The following LRP8 variants were observed in gnomAD, a reference collection of about 807,000 sequenced individuals.
LRP8 encodes the protein low-density lipoprotein receptor-related protein 8.
Under a neutral mutation model 111.6 loss-of-function variants are expected in LRP8, and 46 were observed. The ratio of observed to expected loss-of-function variants is 0.41; its 90% CI spans 0.33 to 0.53. LRP8 has a LOEUF of 0.53. Ranked by LOEUF, LRP8 falls within the 20% of genes least tolerant of loss-of-function variation. LRP8 has a pLI of 0.20. For missense variants in LRP8, 959 were observed against 1,297.4 expected (o/e 0.74, Z 4.01); for synonymous variants, 464 against 511.2 (o/e 0.91, Z 1.24).
chr1:53,252,470 AG>A, intron 16 of LRP8, among the ~76,000 whole-genome samples: 1 of 152,310 alleles, frequency 6.6e-6, no homozygotes, highest in Non-Finnish European at 1.5e-5. Context: ...CAGGAGTTCG[AG>A]GATGCAGTGA....
chr1:53,303,806 C>T lies in LRP8; in HGVS notation c.245-14117G>A, dbSNP rs973727418. The stretch of plus-strand genomic sequence containing the variant: ...TTCCCACCGCTGACATATGGCCATT[C>T]GCCCTCTTGAATGCTCTCAGCGACA... On this transcript the variant is annotated intron_variant, in intron 2 of 18. Coordinates refer to ENST00000306052, the MANE Select transcript of LRP8 (RefSeq NM_004631.5). This position sits in a 1 kb window ranked among gnomAD's most constrained non-coding sequence, Gnocchi z 4.3. 3.9e-5 allele frequency among the ~76,000 whole-genome samples: 6 copies of T among 152,346 alleles called. No homozygotes were observed. The highest frequency in any genetic ancestry group is 3.4e-3 in the Middle Eastern group (1 of 294).
At chr1:53,282,616 G>C (rs981822144) in intron 3 of LRP8, among the ~76,000 whole-genome samples, 1 of 152,112 alleles carries the variant, frequency 6.6e-6, no homozygotes, top group African/African-American at 2.4e-5. Flanking sequence ...ATCAAAGGGT[G>C]GGGGGTGAGG....
chr1:53,247,230 A>G (rs750066859), intron 18 of LRP8, among the ~76,000 whole-genome samples, 174 bp from the exon 19 acceptor site: 1 of 152,264 alleles, frequency 6.6e-6, no homozygotes, highest in Non-Finnish European at 1.5e-5. Flanking sequence ...ACAAAACTCA[A>G]TGAGCTTAAG....
At chr1:53,280,821 G>A (rs1647084328) in intron 3 of LRP8, 106 bp from the exon 4 acceptor site, 5 of 1,391,704 alleles carry the variant, frequency 3.6e-6, no homozygotes, top group Non-Finnish European at 4.9e-6. Flanking sequence ...GGCCCTAGGA[G>A]TCCATCAGGG....
rs1041435000 is a variant in LRP8, at chr1:53,294,498, G to A, written c.245-4809C>T. On this transcript the variant is annotated intron_variant, in intron 2 of 18. Transcript: ENST00000306052. The surrounding 1 kb of genome is among the most constrained non-coding windows in gnomAD (Gnocchi z 4.1). Reference sequence around the variant, plus strand: ...ACAAGTTACAGGACTCCTGTGAGCCGCACTTTCTTCGTCTGCTTCACGGGA... The same window carrying A: ...ACAAGTTACAGGACTCCTGTGAGCCACACTTTCTTCGTCTGCTTCACGGGA... 2.0e-5 allele frequency among the ~76,000 whole-genome samples: 3 copies of A among 152,242 alleles called. No individual in the cohort carries two copies. Among genetic ancestry groups the A allele is most frequent in the Non-Finnish European group, 4.4e-5 (3 of 68,048 alleles).
Position 53,249,557 on chromosome 1 carries a change from C to T in LRP8, c.2677-1G>A, listed in dbSNP as rs1344293736. 6.3e-7 allele frequency: 1 copy of T among 1,592,304 alleles called. No homozygotes were observed. The highest frequency in any genetic ancestry group is 2.3e-5 in the East Asian group (1 of 43,192). On this transcript the variant is annotated splice_acceptor_variant, in intron 17 of 18. Coordinates refer to ENST00000306052, the MANE Select transcript of LRP8 (RefSeq NM_004631.5). LOFTEE classifies it high-confidence loss of function. The surrounding 1 kb of genome is among the most constrained non-coding windows in gnomAD (Gnocchi z 4.1). The stretch of plus-strand genomic sequence containing the variant: ...GTGGGCGATCAAAGCTGCTGATTGC[C>T]TGACAGGGGGATGGCACTGTGGATG...
At chr1:53,308,303 C>T (rs977567575) in intron 2 of LRP8, among the ~76,000 whole-genome samples, 7 of 152,230 alleles carry the variant, frequency 4.6e-5, no homozygotes, top group African/African-American at 1.7e-4. Context: ...GTGCTCACCG[C>T]ATCTCCAGGC....
chr1:53,328,044 C>CTG lies in LRP8; in HGVS notation c.-133_-132insCA. On this transcript the variant is annotated 5_prime_UTR_variant, in exon 1 of 19. An upstream open reading frame in the 5' UTR loses its in-frame stop. Coordinates refer to ENST00000306052, the MANE Select transcript of LRP8 (RefSeq NM_004631.5). ...GCCGCCGCCGCCGCCGCCGCTGCCG[C>CTG]CCGCCCCGGCTCCTCGGCTGCATTT... is the stretch of plus-strand genomic sequence containing the variant. The CTG allele has an allele frequency of 5.2e-6, 2 of 383,264 alleles. No individual in the cohort carries two copies. Among genetic ancestry groups the CTG allele is most frequent in the Non-Finnish European group, 7.1e-6 (2 of 281,318 alleles). 23.7% of individuals were successfully genotyped at this position (383,264 alleles called of 1,614,324 possible). A position where few individuals can be genotyped will look rare whatever the true frequency, so the allele number is the denominator to read the frequency against.
At chr1:53,282,590 T>G (rs1647149615) in intron 3 of LRP8, among the ~76,000 whole-genome samples, 1 of 152,072 alleles carries the variant, frequency 6.6e-6, no homozygotes, top group South Asian at 2.1e-4. Flanking sequence ...GACCAGTGCT[T>G]TGCTGGGGTC....
At position 53,291,033 on chromosome 1, in the gene LRP8, G is replaced by A. The variant is rs557525482; in HGVS notation, c.245-1344C>T. Reference sequence around the variant, plus strand: ...CCGCTACAGAACAAGGTGAGGAAGAGAGCACTGGGCAGGGAGTCCGGAGGT... The same window carrying A: ...CCGCTACAGAACAAGGTGAGGAAGAAAGCACTGGGCAGGGAGTCCGGAGGT... On this transcript the variant is annotated intron_variant, in intron 2 of 18. Transcript: ENST00000306052. Among the ~76,000 whole-genome samples, 16 of 152,298 alleles carry A rather than the reference G, an allele frequency of 1.1e-4. No individual in the cohort carries two copies. The South Asian group carries it at 3.3e-3, about 32-fold the overall frequency.
chr1:53,323,755 C>T (rs1654805899), intron 2 of LRP8, among the ~76,000 whole-genome samples: 1 of 152,244 alleles, frequency 6.6e-6, no homozygotes, highest in African/African-American at 2.4e-5. Context: ...CCAGCTCCAA[C>T]CCTGAGGAGC....
In LRP8 at chr1:53,281,565, C is replaced by T. The variant is rs991933118; in HGVS notation, c.368-850G>A. Among the ~76,000 whole-genome samples, 11 of 152,306 alleles carry T rather than the reference C, an allele frequency of 7.2e-5. No individual in the cohort carries two copies. The East Asian group carries it at 1.9e-3, about 27-fold the overall frequency. Reference sequence around the variant, plus strand: ...TGCCAGGCATGGTGCTAGACACTTCCATCTAATTTTCACAATAAGCCAGCA... The same window carrying T: ...TGCCAGGCATGGTGCTAGACACTTCTATCTAATTTTCACAATAAGCCAGCA... On this transcript the variant is annotated intron_variant, in intron 3 of 18. Transcript: ENST00000306052.
intron 14 of LRP8, 152 bp downstream of exon 14, chr1:53,258,167 A>G (rs1646174032): frequency 1.4e-5 from 9 of 644,574 alleles, no homozygotes; most frequent in Non-Finnish European, 7.5e-6. Context: ...CATTCAAGGA[A>G]GGTAAAAAAG....
At chr1:53,318,762 C>T (rs974546512) in intron 2 of LRP8, among the ~76,000 whole-genome samples, 7 of 151,660 alleles carry the variant, frequency 4.6e-5, no homozygotes, top group African/African-American at 7.3e-5. Context: ...TGAAAACAAC[C>T]GGCATAACAT....
At chr1:53,254,422 CTG>C (rs1319575810) in intron 16 of LRP8, among the ~76,000 whole-genome samples, 3 of 151,918 alleles carry the variant, frequency 2.0e-5, no homozygotes, top group Admixed American at 6.6e-5. Flanking sequence ...AATATCACTT[CTG>C]TTAGGAAACC....
At chr1:53,264,141 G>A (rs1050875486) in intron 10 of LRP8, 28 bp downstream of exon 10, 2 of 1,603,866 alleles carry the variant, frequency 1.2e-6, no homozygotes, top group Non-Finnish European at 8.5e-7. Flanking sequence ...TATGGTGGGA[G>A]AATGGGAAGT....
At chr1:53,307,539 C>T (rs1172097434) in intron 2 of LRP8, 2 of 152,316 alleles carry the variant, frequency 1.3e-5, no homozygotes, top group African/African-American at 2.4e-5. Context: ...GTGCATACAG[C>T]AAGGCACACA....
chr1:53,321,022 G>A (rs768358311), intron 2 of LRP8, among the ~76,000 whole-genome samples: 1 of 152,216 alleles, frequency 6.6e-6, no homozygotes, highest in Non-Finnish European at 1.5e-5. Context: ...CCCTCCCAGG[G>A]TTGTGAGTAG....
chr1:53,317,566 G>C lies in LRP8; in HGVS notation c.244+9307C>G, dbSNP rs1653968557. Among the ~76,000 whole-genome samples, 1 of 152,194 alleles carries C rather than the reference G, an allele frequency of 6.6e-6. No homozygotes were observed. The highest frequency in any genetic ancestry group is 6.5e-5 in the Admixed American group (1 of 15,284). ...GCTATTTTGCTGCTGCCCTCTTGTT[G>C]TGTCCTTGGTGGAGGAGGAGGAAAG... On this transcript the variant is annotated intron_variant, in intron 2 of 18. Coordinates refer to ENST00000306052, the MANE Select transcript of LRP8 (RefSeq NM_004631.5). The surrounding 1 kb of genome is among the most constrained non-coding windows in gnomAD (Gnocchi z 4.9).
Sources: gnomAD v4.1 joint callset for allele counts (sites outside exome capture counted in the v4.1 genomes callset) on GRCh38, gnomAD v4.1.1 for gene constraint, Gnocchi (gnomAD v3.1) non-coding constraint, MANE v1.5 for transcripts, NCBI Gene and HGNC (gene_info 2026-07-23, HGNC 2026-07-21) for gene names.